Variants in PDE7A observed in about 807,000 individuals in gnomAD.
The protein encoded by PDE7A is high affinity 3',5'-cyclic-AMP phosphodiesterase 7A.
A neutral mutation model predicts 64.3 loss-of-function variants in PDE7A; 39 were observed. The ratio of observed to expected loss-of-function variants is 0.61; its 90% CI spans 0.47 to 0.79. The LOEUF is 0.79. Ranked by LOEUF, PDE7A falls within the 30% of genes least tolerant of loss-of-function variation. PDE7A has a pLI of 0.00. For missense variants in PDE7A, 470 were observed against 582.8 expected, an observed-to-expected ratio of 0.81 and a Z score of 1.99; for synonymous variants, 203 against 206.8, an observed-to-expected ratio of 0.98 and a Z score of 0.16.
chr8:65,771,828 T>C (rs1338440235), intron 3 of PDE7A, among the ~76,000 whole-genome samples: 3 of 144,554 alleles, frequency 2.1e-5, no homozygotes, highest in Admixed American at 1.4e-4. Flanking sequence ...TGAGCCACGA[T>C]TGAGCCACTG....
chr8:65,787,957 A>C (rs1353371084), intron 1 of PDE7A, among the ~76,000 whole-genome samples: 1 of 152,232 alleles, frequency 6.6e-6, no homozygotes, highest in East Asian at 1.9e-4. Flanking sequence ...AGATTTTAAA[A>C]TTTAAATACA....
intron 1 of PDE7A, among the ~76,000 whole-genome samples, chr8:65,790,531 AAAT>A (rs1809672932): frequency 6.6e-6 from 1 of 152,246 alleles, no homozygotes; most frequent in South Asian, 2.1e-4. Context: ...AAAATAGTTC[AAAT>A]AATAATATTA....
Position 65,719,044 on chromosome 8 carries a change from C to G in PDE7A, c.*246G>C, listed in dbSNP as rs771907081. ...CTTTGTTACTCCTTTCGGATTCTCT[C>G]CTGCTGGGCTTTGCATATTCAAGGT... On this transcript the variant is annotated 3_prime_UTR_variant, in exon 13 of 13. Coordinates refer to ENST00000401827, the MANE Select transcript of PDE7A (RefSeq NM_001242318.3). 2.4e-5 allele frequency: 13 copies of G among 535,954 alleles called. No homozygotes were observed. The highest frequency in any genetic ancestry group is 4.0e-5 in the Non-Finnish European group (12 of 298,710). 33.2% of individuals were successfully genotyped at this position (535,954 alleles called of 1,614,324 possible). A position where few individuals can be genotyped will look rare whatever the true frequency, so the allele number is the denominator to read the frequency against.
chr8:65,827,190 CAA>C (rs999064238), intron 1 of PDE7A, among the ~76,000 whole-genome samples: 5 of 152,180 alleles, frequency 3.3e-5, no homozygotes, highest in Admixed American at 6.5e-5. Flanking sequence ...CTTCCCGCTC[CAA>C]AAGTGTTCCA....
intron 1 of PDE7A, among the ~76,000 whole-genome samples, chr8:65,815,080 CA>C (rs58731933): frequency 0.21 from 26,638 of 129,588 alleles, 3,092 homozygotes; most frequent in African/African-American, 0.38. Context: ...GACTCCATCT[CA>C]AAAAAAAAAA....
intron 2 of PDE7A, 78 bp downstream of exon 2, chr8:65,782,705 T>C: frequency 1.3e-6 from 1 of 763,288 alleles, no homozygotes; most frequent in Non-Finnish European, 2.2e-6. Context: ...AGCTATCTAA[T>C]GAAAGATACC....
chr8:65,755,108 C>A (rs1394906262), intron 3 of PDE7A, among the ~76,000 whole-genome samples: 1 of 148,892 alleles, frequency 6.7e-6, no homozygotes, highest in Admixed American at 6.7e-5. Context: ...GTAACGTCTG[C>A]CTCCCAGGTT....
rs1806068321 is a variant in PDE7A, at chr8:65,714,768, G to GA, written c.*4521dup. ...CTGATGTGAGAGTTTTAAGAAAATAGAAAGTTTAATAAAAACCAAGAAAGC... is the reference window on the plus strand; with the variant it reads ...CTGATGTGAGAGTTTTAAGAAAATAGAAAAGTTTAATAAAAACCAAGAAAGC... On this transcript the variant is annotated 3_prime_UTR_variant, in exon 13 of 13. Coordinates refer to ENST00000401827, the MANE Select transcript of PDE7A (RefSeq NM_001242318.3). 1 of 152,062 alleles carries GA rather than the reference G, an allele frequency of 6.6e-6. No homozygotes were observed. The highest frequency in any genetic ancestry group is 1.5e-5 in the Non-Finnish European group (1 of 68,006). The allele number at this position is 152,062 out of a possible 1,614,324, so 9.4% of individuals were successfully genotyped here.
At position 65,841,584 on chromosome 8, in the gene PDE7A, G is replaced by A. The variant is rs1461155129; in HGVS notation, c.-76C>T. The A allele has an allele frequency of 4.2e-4, 348 of 836,306 alleles. 2 individuals are homozygous for A. Among genetic ancestry groups the A allele is most frequent in the Non-Finnish European group, 1.6e-4 (104 of 639,062 alleles). 51.8% of individuals were successfully genotyped at this position (836,306 alleles called of 1,614,324 possible). A position where few individuals can be genotyped will look rare whatever the true frequency, so the allele number is the denominator to read the frequency against. On this transcript the variant is annotated 5_prime_UTR_variant, in exon 1 of 13. Coordinates refer to ENST00000401827, the MANE Select transcript of PDE7A (RefSeq NM_001242318.3). ...GGCCCCTGCAGTGGGAGGGGGCCGC[G>A]GCTCGGGGGCTCCGGGCCGAGACGG... is the stretch of plus-strand genomic sequence containing the variant.
In PDE7A at chr8:65,739,423, G is replaced by A. The variant is rs187353168; in HGVS notation, c.595+79C>T. 6.3e-5 allele frequency: 89 copies of A among 1,415,192 alleles called. No individual in the cohort carries two copies. The South Asian group carries it at 7.8e-4, about 12-fold the overall frequency. The allele number at this position is 1,415,192 out of a possible 1,614,324, so 87.7% of individuals were successfully genotyped here. A position where few individuals can be genotyped will look rare whatever the true frequency, so the allele number is the denominator to read the frequency against. Reference sequence around the variant, plus strand: ...GTTTGTTATAGAGCAATAGCTAACCGATATAACTGAGATAAAACTTAAACA... The same window carrying A: ...GTTTGTTATAGAGCAATAGCTAACCAATATAACTGAGATAAAACTTAAACA... On this transcript the variant is annotated intron_variant, in intron 6 of 12. Transcript: ENST00000401827.
chr8:65,771,913 A>G (rs1264809591), intron 3 of PDE7A, among the ~76,000 whole-genome samples: 1 of 151,032 alleles, frequency 6.6e-6, no homozygotes, highest in Admixed American at 6.6e-5. Context: ...AAAAAGAAGA[A>G]GAAGAAAGAA....
intron 1 of PDE7A, among the ~76,000 whole-genome samples, chr8:65,815,752 T>G (rs1308713189): frequency 6.6e-6 from 1 of 151,980 alleles, no homozygotes; most frequent in Admixed American, 6.6e-5. Flanking sequence ...ACAAAAAAAT[T>G]CGTTGATATG....
chr8:65,748,516 T>C (rs1807790254), intron 3 of PDE7A, among the ~76,000 whole-genome samples: 1 of 152,202 alleles, frequency 6.6e-6, no homozygotes, highest in Admixed American at 6.5e-5. Flanking sequence ...GGGCACCAGA[T>C]GAAATGACAG....
chr8:65,771,069 T>C, intron 3 of PDE7A: 2 of 373,144 alleles, frequency 5.4e-6, no homozygotes, highest in Non-Finnish European at 1.1e-5. Flanking sequence ...CCACAATAAT[T>C]CATGGTAGGA....
chr8:65,807,986 G>A (rs1810150005), intron 1 of PDE7A, among the ~76,000 whole-genome samples: 1 of 152,136 alleles, frequency 6.6e-6, no homozygotes, highest in Non-Finnish European at 1.5e-5. Context: ...AATTCTGGCT[G>A]ATACAACGAG....
intron 1 of PDE7A, among the ~76,000 whole-genome samples, chr8:65,840,423 C>CACACACAT (rs1554572977): frequency 0.051 from 7,685 of 151,340 alleles, 589 homozygotes; most frequent in African/African-American, 0.16. Context: ...CACACACACA[C>CACACACAT]ACACACACCT....
At chr8:65,734,680 G>A (rs1807048600) in intron 7 of PDE7A, 114 bp downstream of exon 7, 4 of 660,008 alleles carry the variant, frequency 6.1e-6, no homozygotes, top group Non-Finnish European at 1.1e-5. Flanking sequence ...TCTCATTCTT[G>A]TGAAGGAAGT....
intron 3 of PDE7A, among the ~76,000 whole-genome samples, chr8:65,755,314 C>T (rs913372767): frequency 1.3e-5 from 2 of 152,156 alleles, no homozygotes; most frequent in Non-Finnish European, 2.9e-5. Context: ...AGCCATCATG[C>T]CCGGCCCATT....
chr8:65,816,488 T>C (rs1810405915), intron 1 of PDE7A, among the ~76,000 whole-genome samples: 1 of 152,244 alleles, frequency 6.6e-6, no homozygotes, highest in Admixed American at 6.5e-5. Flanking sequence ...CTGGTGTCAT[T>C]TCCTATCAAC....
Sources: gnomAD v4.1 joint callset for allele counts (sites outside exome capture counted in the v4.1 genomes callset) on GRCh38, gnomAD v4.1.1 for gene constraint, MANE v1.5 for transcripts, NCBI Gene and HGNC (gene_info 2026-07-23, HGNC 2026-07-21) for gene names.